Variants in HOMER1 observed in about 807,000 individuals in gnomAD.
HOMER1 encodes homer scaffold protein 1.
A neutral mutation model predicts 48.9 loss-of-function variants in HOMER1; 3 were observed. The ratio of observed to expected loss-of-function variants is 0.06; its 90% confidence interval spans 0.03 to 0.16. HOMER1 has a LOEUF of 0.16. HOMER1 is among the 10% of genes least tolerant of loss of function. HOMER1 has a pLI of 1.00. For synonymous variants in HOMER1, 134 were observed against 146.4 expected, an observed-to-expected ratio of 0.92 and a Z score of 0.61; for missense variants, 247 against 411.4, an observed-to-expected ratio of 0.60 and a Z score of 3.46.
intron 8 of HOMER1, among the ~76,000 whole-genome samples, chr5:79,379,489 TATAA>T (rs1259602682): frequency 1.2e-4 from 16 of 130,088 alleles, no homozygotes; most frequent in South Asian, 4.3e-4. Context: ...TATATAAATA[TATAA>T]ATATTTATAT....
At chr5:79,413,198 TAAGAGA>T (rs932414653) in intron 5 of HOMER1, among the ~76,000 whole-genome samples, 196 of 151,866 alleles carry the variant, frequency 1.3e-3, no homozygotes, top group African/African-American at 4.4e-3. Flanking sequence ...TTGAGAAAAA[TAAGAGA>T]AAGAGTACAG....
chr5:79,439,935 T>C (rs915725541), intron 4 of HOMER1, among the ~76,000 whole-genome samples: 11 of 152,180 alleles, frequency 7.2e-5, no homozygotes, highest in African/African-American at 2.2e-4. Context: ...AAATTTGATA[T>C]TGGAAATCAG....
chr5:79,428,682 T>C (rs1750338831), intron 5 of HOMER1, among the ~76,000 whole-genome samples: 1 of 152,176 alleles, frequency 6.6e-6, no homozygotes, highest in Non-Finnish European at 1.5e-5. Context: ...CAATTTCATT[T>C]ATAATAGCAC....
intron 8 of HOMER1, among the ~76,000 whole-genome samples, chr5:79,379,001 T>C (rs1298365579): frequency 7.1e-6 from 1 of 140,514 alleles, no homozygotes; most frequent in Non-Finnish European, 1.5e-5. Context: ...AGAGCAAGAA[T>C]AGACAACTTA....
intron 1 of HOMER1, among the ~76,000 whole-genome samples, chr5:79,460,922 G>C (rs960413548): frequency 2.0e-5 from 3 of 152,194 alleles, no homozygotes; most frequent in Admixed American, 6.5e-5. Context: ...AGTCCCACTA[G>C]CAAGGATGGG....
At chr5:79,470,377 A>C (rs1580005012) in intron 1 of HOMER1, among the ~76,000 whole-genome samples, 1 of 152,220 alleles carries the variant, frequency 6.6e-6, no homozygotes, top group Non-Finnish European at 1.5e-5. Context: ...TCACAATGTA[A>C]GATGCATTTT....
intron 1 of HOMER1, among the ~76,000 whole-genome samples, chr5:79,480,817 T>C (rs543964256): frequency 6.6e-6 from 1 of 152,350 alleles, no homozygotes; most frequent in East Asian, 1.9e-4. Context: ...CTCTTGTATC[T>C]TGTGTTAGAC....
intron 3 of HOMER1, 68 bp downstream of exon 3, chr5:79,450,922 G>T: frequency 6.9e-7 from 1 of 1,441,464 alleles, no homozygotes; most frequent in Non-Finnish European, 9.6e-7. Context: ...TCTCCATTTG[G>T]TATTATATAT....
At chr5:79,407,970 C>G (rs1182653281) in intron 5 of HOMER1, among the ~76,000 whole-genome samples, 1 of 152,014 alleles carries the variant, frequency 6.6e-6, no homozygotes, top group Non-Finnish European at 1.5e-5. Flanking sequence ...AGGGAGAGAC[C>G]ACATTCACAT....
chr5:79,462,467 T>C (rs1751341926), intron 1 of HOMER1, among the ~76,000 whole-genome samples: 1 of 152,154 alleles, frequency 6.6e-6, no homozygotes, highest in South Asian at 2.1e-4. Flanking sequence ...AAACTTACTA[T>C]GGATGTGGAA....
In HOMER1 at chr5:79,469,301, T is replaced by C. The variant is rs147095337; in HGVS notation, c.6-12283A>G. 2.0e-3 allele frequency among the ~76,000 whole-genome samples: 302 copies of C among 152,322 alleles called. 3 individuals are homozygous for C. The highest frequency in any genetic ancestry group is 0.018 in the Admixed American group (271 of 15,300). On this transcript the variant is annotated intron_variant, in intron 1 of 8. Coordinates refer to ENST00000334082, the MANE Select transcript of HOMER1 (RefSeq NM_004272.5). ...ACACAAAACATATTTAATGTTAAACTAGACGTCAAAAATAACACAATTCTA... is the reference window on the plus strand; with the variant it reads ...ACACAAAACATATTTAATGTTAAACCAGACGTCAAAAATAACACAATTCTA...
intron 1 of HOMER1, among the ~76,000 whole-genome samples, chr5:79,472,795 A>C (rs544366809): frequency 8.2e-4 from 124 of 152,134 alleles, no homozygotes; most frequent in African/African-American, 2.9e-3. Context: ...AAATGTTTTT[A>C]ATTAAAAAAA....
intron 5 of HOMER1, among the ~76,000 whole-genome samples, chr5:79,402,752 A>G (rs1188681592): frequency 6.6e-6 from 1 of 152,204 alleles, no homozygotes; most frequent in Non-Finnish European, 1.5e-5. Flanking sequence ...CTAAAGTACA[A>G]TGTTATTCCT....
intron 1 of HOMER1, among the ~76,000 whole-genome samples, chr5:79,505,721 G>A (rs1033233564): frequency 7.2e-5 from 11 of 152,138 alleles, no homozygotes; most frequent in African/African-American, 1.2e-4. Context: ...AAAGGTAAGT[G>A]TACTATGAAG....
chr5:79,452,078 G>A (rs889031816), intron 2 of HOMER1, among the ~76,000 whole-genome samples: 3 of 152,076 alleles, frequency 2.0e-5, no homozygotes, highest in African/African-American at 7.2e-5. Context: ...AAGTCCCATA[G>A]TCAGCACTGC....
chr5:79,457,178 C>T (rs1258705017), intron 1 of HOMER1, among the ~76,000 whole-genome samples, 160 bp from the exon 2 acceptor site: 1 of 152,176 alleles, frequency 6.6e-6, no homozygotes, highest in Non-Finnish European at 1.5e-5. Flanking sequence ...AGTATTCAGT[C>T]ATAAGGTTTC....
intron 5 of HOMER1, among the ~76,000 whole-genome samples, chr5:79,423,473 G>A (rs1184307861): frequency 1.3e-5 from 2 of 152,132 alleles, no homozygotes; most frequent in Admixed American, 1.3e-4. Flanking sequence ...TTAATCCATG[G>A]TGCCATCTGG....
intron 6 of HOMER1, among the ~76,000 whole-genome samples, chr5:79,401,557 C>T (rs906242353): frequency 6.6e-6 from 1 of 152,064 alleles, no homozygotes; most frequent in African/African-American, 2.4e-5. Context: ...TAAACTACTC[C>T]CTGAATTTTT....
At chr5:79,461,695 G>C (rs1751321345) in intron 1 of HOMER1, among the ~76,000 whole-genome samples, 1 of 152,052 alleles carries the variant, frequency 6.6e-6, no homozygotes, top group Non-Finnish European at 1.5e-5. Context: ...GACAAATTCT[G>C]AGGTAAATAT....
Sources: allele counts gnomAD v4.1 joint callset (sites outside exome capture counted in the v4.1 genomes callset), GRCh38; gene constraint gnomAD v4.1.1; transcripts MANE v1.5; gene names NCBI Gene and HGNC (gene_info 2026-07-23, HGNC 2026-07-21).